The following GPR39 variants were observed in gnomAD, a reference collection of about 807,000 sequenced individuals.
GPR39 encodes zinc sensing receptor.
Under a neutral mutation model 18.4 loss-of-function variants are expected in GPR39, and 23 were observed. The observed-to-expected ratio is 1.25, with a 90% CI of 0.90 to 1.77. GPR39 has a LOEUF of 1.77. Ranked by LOEUF, GPR39 falls within the 40% of genes most tolerant of loss-of-function variation. The probability of loss-of-function intolerance (pLI) is 0.00; values close to 1 mark genes in which losing one functional copy is unlikely to be tolerated. For missense variants in GPR39, 647 were observed against 602.4 expected (o/e 1.07, Z -0.78); for synonymous variants, 280 against 257.9 (o/e 1.09, Z -0.82).
At chr2:132,530,900 T>A (rs1201923340) in intron 1 of GPR39, among the ~76,000 whole-genome samples, 2 of 152,176 alleles carry the variant, frequency 1.3e-5, no homozygotes, top group African/African-American at 4.8e-5. Flanking sequence ...TGCAAAAACA[T>A]GCCAAATTGT....
chr2:132,563,899 C>G (rs1057280442), intron 1 of GPR39, among the ~76,000 whole-genome samples: 1 of 152,148 alleles, frequency 6.6e-6, no homozygotes, highest in Non-Finnish European at 1.5e-5. Context: ...CCTGGGTCCC[C>G]CCACCCCAAC....
In GPR39 at chr2:132,637,433, T is replaced by C. The variant is rs567216506; in HGVS notation, c.857-7668T>C. On this transcript the variant is annotated intron_variant, in intron 1 of 1. Transcript: ENST00000329321. ...GGAGAGAGTTCTTTCCTGGGCTCCA[T>C]CAAACAGCTGGAACAAGGATGAGAC... 2.0e-4 allele frequency among the ~76,000 whole-genome samples: 31 copies of C among 152,320 alleles called. 1 individual carries two copies. In the South Asian group the frequency reaches 6.0e-3, roughly 30 times the overall value.
At chr2:132,568,298 GT>G (rs1434905665) in intron 1 of GPR39, among the ~76,000 whole-genome samples, 1 of 152,088 alleles carries the variant, frequency 6.6e-6, no homozygotes, top group Non-Finnish European at 1.5e-5. Context: ...TGGTCTTGGA[GT>G]TGTTGGGCGG....
At chr2:132,582,745 C>T (rs1289905058) in intron 1 of GPR39, among the ~76,000 whole-genome samples, 1 of 152,110 alleles carries the variant, frequency 6.6e-6, no homozygotes, top group Non-Finnish European at 1.5e-5. Flanking sequence ...AGCCAGGTCC[C>T]CAAACCAGCC....
intron 1 of GPR39, among the ~76,000 whole-genome samples, chr2:132,427,919 A>ATATATATATTATATATAGT (rs969040541): frequency 4.1e-5 from 6 of 146,432 alleles, no homozygotes; most frequent in African/African-American, 1.2e-4. Context: ...TTATATTTAA[A>ATATATATATTATATATAGT]TATATATATT....
chr2:132,605,889 C>T (rs1275760387), intron 1 of GPR39, among the ~76,000 whole-genome samples: 1 of 152,184 alleles, frequency 6.6e-6, no homozygotes, highest in Non-Finnish European at 1.5e-5. Flanking sequence ...GCTGAGCTGT[C>T]GTTTTACAAA....
intron 1 of GPR39, among the ~76,000 whole-genome samples, chr2:132,447,428 A>G (rs1237242964): frequency 6.6e-6 from 1 of 152,078 alleles, no homozygotes; most frequent in Non-Finnish European, 1.5e-5. Flanking sequence ...TGCTTCATGT[A>G]TTTTCCTTCA....
chr2:132,550,375 G>A (rs1680021887), intron 1 of GPR39, among the ~76,000 whole-genome samples: 1 of 152,204 alleles, frequency 6.6e-6, no homozygotes. Flanking sequence ...AAGGAACAGC[G>A]CGATACAACG....
rs1461613322 is a variant in GPR39, at chr2:132,565,839, T to C, written c.857-79262T>C. ...GGTTGGTTCCAAGTCTTTGCTATTG[T>C]GAATAATGCTGCAATAAACATACAT... On this transcript the variant is annotated intron_variant, in intron 1 of 1. Coordinates refer to ENST00000329321, the MANE Select transcript of GPR39 (RefSeq NM_001508.3). Among the ~76,000 whole-genome samples, 549 of 151,020 alleles carry C rather than the reference T, an allele frequency of 3.6e-3. 3 individuals are homozygous for C. Among genetic ancestry groups the C allele is most frequent in the Non-Finnish European group, 6.1e-3 (415 of 67,836 alleles).
intron 1 of GPR39, among the ~76,000 whole-genome samples, chr2:132,518,591 C>A (rs1679373132): frequency 6.6e-6 from 1 of 152,084 alleles, no homozygotes; most frequent in South Asian, 2.1e-4. Context: ...AGATGGGCTT[C>A]CTCTGTTAAC....
intron 1 of GPR39, among the ~76,000 whole-genome samples, chr2:132,427,780 C>T (rs1176551606): frequency 6.7e-6 from 1 of 149,676 alleles, no homozygotes; most frequent in African/African-American, 2.4e-5. Context: ...GTCCTGAGGC[C>T]TCGAACTCCT....
intron 1 of GPR39, among the ~76,000 whole-genome samples, chr2:132,493,192 A>G (rs897282214): frequency 7.2e-6 from 1 of 138,482 alleles, no homozygotes; most frequent in Non-Finnish European, 1.5e-5. Flanking sequence ...CCATATATAT[A>G]CACCATATAT....
chr2:132,446,805 G>C (rs1680545711), intron 1 of GPR39, among the ~76,000 whole-genome samples: 1 of 152,092 alleles, frequency 6.6e-6, no homozygotes, highest in Non-Finnish European at 1.5e-5. Flanking sequence ...ATGAGGGTAG[G>C]GTGGAGATAG....
In GPR39 at chr2:132,630,765, G is replaced by T. The variant is rs889701548; in HGVS notation, c.857-14336G>T. 2.0e-5 allele frequency among the ~76,000 whole-genome samples: 3 copies of T among 152,134 alleles called. No individual in the cohort carries two copies. In the East Asian group the frequency reaches 5.8e-4, roughly 29 times the overall value. On this transcript the variant is annotated intron_variant, in intron 1 of 1. Transcript: ENST00000329321. Reference sequence around the variant, plus strand: ...GGTATAACTGGCAAGCTTAGGGATCGATTGGATGTGGGGGTGAGAGGGGAA... The same window carrying T: ...GGTATAACTGGCAAGCTTAGGGATCTATTGGATGTGGGGGTGAGAGGGGAA...
intron 1 of GPR39, among the ~76,000 whole-genome samples, chr2:132,567,281 C>T (rs1680365866): frequency 1.3e-5 from 2 of 152,044 alleles, no homozygotes; most frequent in Non-Finnish European, 2.9e-5. Context: ...GAGATTGCAC[C>T]ACTGCACTCC....
intron 1 of GPR39, among the ~76,000 whole-genome samples, chr2:132,586,506 C>T (rs1329494141): frequency 6.6e-6 from 1 of 152,156 alleles, no homozygotes; most frequent in Non-Finnish European, 1.5e-5. Flanking sequence ...TGAGGATGTA[C>T]CCAAATGAGA....
rs201735829 is a variant in GPR39 at position 132,417,748 on chromosome 2, C to T, written c.706C>T (p.Leu236Phe). ...GAFVVYLVVL[L>F]SVAFMCWNMM... The stretch of plus-strand genomic sequence containing the variant: ...CTTCGTGGTCTACCTCGTGGTCCTG[C>T]TCTCCGTAGCCTTCATGTGCTGGAA... Residue 236 changes from leucine to phenylalanine, a missense_variant, in exon 1 of 2, where the codon CTC becomes TTC. Physicochemically the swap from Leu to Phe is conservative, Grantham distance 22. Coordinates refer to ENST00000329321, the MANE Select transcript of GPR39 (RefSeq NM_001508.3). 19 of 1,614,210 alleles carry T rather than the reference C, an allele frequency of 1.2e-5. No homozygotes were observed. The African/African-American group carries it at 1.9e-4, about 16-fold the overall frequency.
At chr2:132,493,483 T>C (rs1224890405) in intron 1 of GPR39, among the ~76,000 whole-genome samples, 8 of 134,348 alleles carry the variant, frequency 6.0e-5, no homozygotes, top group African/African-American at 1.4e-4. Context: ...TATATATATA[T>C]ACACCATATA....
chr2:132,487,594 CAAAG>C (rs1443523932), intron 1 of GPR39, among the ~76,000 whole-genome samples: 11 of 151,946 alleles, frequency 7.2e-5, no homozygotes, highest in Admixed American at 3.3e-4. Flanking sequence ...GCAGAGTTGA[CAAAG>C]AACCAAGTTA....
Sources: gnomAD v4.1 joint callset for allele counts (sites outside exome capture counted in the v4.1 genomes callset) on GRCh38, gnomAD v4.1.1 for gene constraint, MANE v1.5 for transcripts, NCBI Gene and HGNC (gene_info 2026-07-23, HGNC 2026-07-21) for gene names.